Variants in LHFPL6 observed in about 807,000 individuals in gnomAD.
LHFPL6 encodes the protein LHFPL tetraspan subfamily member 6 protein.
A neutral mutation model predicts 20.6 loss-of-function variants in LHFPL6; 9 were observed. The ratio of observed to expected loss-of-function variants is 0.44; its 90% confidence interval spans 0.26 to 0.76. LHFPL6 has a LOEUF of 0.76. Among genes scored for constraint, LHFPL6 ranks in the 30% least tolerant of loss-of-function variants. The pLI, the probability that LHFPL6 is intolerant of heterozygous loss-of-function variation, is 0.20. For synonymous variants in LHFPL6, 105 were observed against 98.7 expected (o/e 1.06, Z -0.38); for missense variants, 218 against 253.5 (o/e 0.86, Z 0.95).
At chr13:39,509,276 C>T (rs776631482) in intron 2 of LHFPL6, among the ~76,000 whole-genome samples, 6 of 152,106 alleles carry the variant, frequency 3.9e-5, no homozygotes, top group Middle Eastern at 3.4e-3. Context: ...AATCCTTTAT[C>T]GGGTATGTGA....
At position 39,603,105 on chromosome 13, in the gene LHFPL6, C is replaced by G. The variant is rs1873023696; in HGVS notation, c.-397G>C. ...GCTGGCACCAGCGGAGACCCCCACT[C>G]CCGGCGAGTCCGCGGCGGCAGCTCT... On this transcript the variant is annotated 5_prime_UTR_variant, in exon 1 of 4. Coordinates refer to ENST00000379589, the MANE Select transcript of LHFPL6 (RefSeq NM_005780.3). 6.6e-6 allele frequency: 1 copy of G among 152,312 alleles called. No homozygotes were observed. Among genetic ancestry groups the G allele is most frequent in the African/African-American group, 2.4e-5 (1 of 41,454 alleles). 9.4% of individuals were successfully genotyped at this position (152,312 alleles called of 1,614,324 possible).
intron 2 of LHFPL6, among the ~76,000 whole-genome samples, chr13:39,506,738 G>A (rs1378160047): frequency 6.6e-6 from 1 of 152,010 alleles, no homozygotes; most frequent in East Asian, 1.9e-4. Flanking sequence ...GGGAAGGTGT[G>A]GAAAAATAAT....
At chr13:39,569,128 CGGATGGAT>C (rs1157177445) in intron 2 of LHFPL6, among the ~76,000 whole-genome samples, 6 of 103,148 alleles carry the variant, frequency 5.8e-5, no homozygotes, top group East Asian at 3.1e-4. Context: ...TTAGTAAACA[CGGATGGAT>C]GGATGGATGG....
intron 2 of LHFPL6, among the ~76,000 whole-genome samples, chr13:39,495,968 G>T (rs1040667613): frequency 6.6e-6 from 1 of 151,834 alleles, no homozygotes; most frequent in African/African-American, 2.4e-5. Flanking sequence ...GCTTCAGTTT[G>T]TCTAGAGTCA....
At chr13:39,468,705 A>C (rs1287330015) in intron 2 of LHFPL6, among the ~76,000 whole-genome samples, 2 of 152,190 alleles carry the variant, frequency 1.3e-5, no homozygotes, top group Non-Finnish European at 2.9e-5. Context: ...TTACCCTTTT[A>C]CATTCTCATT....
At chr13:39,522,173 G>A (rs1378668189) in intron 2 of LHFPL6, among the ~76,000 whole-genome samples, 1 of 152,170 alleles carries the variant, frequency 6.6e-6, no homozygotes, top group Non-Finnish European at 1.5e-5. Context: ...CTTACCATAT[G>A]CCAGGCACTG....
chr13:39,556,752 C>T (rs1169309165), intron 2 of LHFPL6, among the ~76,000 whole-genome samples: 1 of 152,078 alleles, frequency 6.6e-6, no homozygotes, highest in Non-Finnish European at 1.5e-5. Flanking sequence ...TGTTTGAACC[C>T]AGGAGTTTGG....
intron 2 of LHFPL6, among the ~76,000 whole-genome samples, chr13:39,458,182 G>T (rs895254198): frequency 6.6e-6 from 1 of 152,096 alleles, no homozygotes; most frequent in Non-Finnish European, 1.5e-5. Context: ...AAGGATGGGA[G>T]GGGAAAAGAA....
intron 3 of LHFPL6, among the ~76,000 whole-genome samples, chr13:39,370,383 C>A (rs1282029279): frequency 6.6e-6 from 1 of 152,122 alleles, no homozygotes; most frequent in African/African-American, 2.4e-5. Flanking sequence ...TAAATGACTT[C>A]CAGTGACTTG....
chr13:39,451,881 T>C (rs1872453240), intron 2 of LHFPL6, among the ~76,000 whole-genome samples: 1 of 152,150 alleles, frequency 6.6e-6, no homozygotes, highest in African/African-American at 2.4e-5. Flanking sequence ...TATCTAAGCA[T>C]AGTAATAAAA....
At chr13:39,346,690 C>A (rs1869408772) in intron 3 of LHFPL6, among the ~76,000 whole-genome samples, 1 of 152,132 alleles carries the variant, frequency 6.6e-6, no homozygotes, top group Non-Finnish European at 1.5e-5. Flanking sequence ...CTACTCATAT[C>A]ATCACCAACA....
At chr13:39,581,016 G>GT in intron 2 of LHFPL6, among the ~76,000 whole-genome samples, 2 of 152,292 alleles carry the variant, frequency 1.3e-5, no homozygotes, top group African/African-American at 4.8e-5. Flanking sequence ...TGAGGAAACA[G>GT]TTTTTTCTGG....
intron 2 of LHFPL6, among the ~76,000 whole-genome samples, chr13:39,514,323 A>G (rs966074223): frequency 2.6e-5 from 4 of 152,162 alleles, no homozygotes; most frequent in Admixed American, 1.3e-4. Context: ...AAAGCACACA[A>G]TGAAAGCCCC....
At chr13:39,440,847 T>C (rs1161181099) in intron 2 of LHFPL6, among the ~76,000 whole-genome samples, 2 of 152,164 alleles carry the variant, frequency 1.3e-5, no homozygotes, top group African/African-American at 2.4e-5. Context: ...TTTCCTGCCC[T>C]GCGCTGTTCT....
intron 2 of LHFPL6, among the ~76,000 whole-genome samples, chr13:39,400,513 G>T (rs2138378486): frequency 6.6e-6 from 1 of 152,274 alleles, no homozygotes; most frequent in African/African-American, 2.4e-5. Flanking sequence ...GCCGGGCGCG[G>T]TGGCTCACGC....
chr13:39,395,537 A>T (rs1870819678), intron 2 of LHFPL6, among the ~76,000 whole-genome samples: 1 of 152,112 alleles, frequency 6.6e-6, no homozygotes, highest in Non-Finnish European at 1.5e-5. Flanking sequence ...GGACGTCTGC[A>T]TTCCTCCCCG....
At chr13:39,543,027 C>A (rs1441780159) in intron 2 of LHFPL6, among the ~76,000 whole-genome samples, 2 of 152,206 alleles carry the variant, frequency 1.3e-5, no homozygotes, top group Non-Finnish European at 2.9e-5. Context: ...TTCCCCTCTT[C>A]CTCCAGCCCC....
At chr13:39,583,961 C>T (rs1023910851) in intron 2 of LHFPL6, among the ~76,000 whole-genome samples, 2 of 152,108 alleles carry the variant, frequency 1.3e-5, no homozygotes, top group African/African-American at 4.8e-5. Flanking sequence ...AGGCTCCCTC[C>T]CCTCCTCCTC....
At chr13:39,498,684 CA>C (rs1869179747) in intron 2 of LHFPL6, among the ~76,000 whole-genome samples, 1 of 152,142 alleles carries the variant, frequency 6.6e-6, no homozygotes, top group South Asian at 2.1e-4. Flanking sequence ...ACAAAGGTAA[CA>C]AAAAGGCACT....
Sources: gnomAD v4.1 joint callset for allele counts (sites outside exome capture counted in the v4.1 genomes callset) on GRCh38, gnomAD v4.1.1 for gene constraint, MANE v1.5 for transcripts, NCBI Gene and HGNC (gene_info 2026-07-23, HGNC 2026-07-21) for gene names.